The following CPA6 variants were observed in gnomAD, a reference collection of about 807,000 sequenced individuals.
CPA6 encodes carboxypeptidase A6, also known as carboxypeptidase B.
Under a neutral mutation model 63.3 loss-of-function variants are expected in CPA6, and 58 were observed. The ratio of observed to expected loss-of-function variants is 0.92; its 90% CI spans 0.74 to 1.14. The LOEUF is 1.14. Ranked by LOEUF, CPA6 falls within the 50% of genes most tolerant of loss-of-function variation. CPA6 has a pLI of 0.00. For missense variants in CPA6, 565 were observed against 526.6 expected, an observed-to-expected ratio of 1.07 and a Z score of -0.71; for synonymous variants, 185 against 179.0, an observed-to-expected ratio of 1.03 and a Z score of -0.27.
intron 2 of CPA6, among the ~76,000 whole-genome samples, chr8:67,545,019 A>G (rs1812785321): frequency 6.6e-6 from 1 of 152,194 alleles, no homozygotes; most frequent in African/African-American, 2.4e-5. Context: ...TTGCCTGTAT[A>G]CTTAAATTCC....
At chr8:67,585,499 A>G (rs965880049) in intron 2 of CPA6, among the ~76,000 whole-genome samples, 4 of 152,134 alleles carry the variant, frequency 2.6e-5, no homozygotes, top group Non-Finnish European at 5.9e-5. Flanking sequence ...ACATGGGGGC[A>G]TGAGTTAGCA....
At chr8:67,494,904 G>A (rs1811677023) in intron 6 of CPA6, among the ~76,000 whole-genome samples, 1 of 152,186 alleles carries the variant, frequency 6.6e-6, no homozygotes, top group African/African-American at 2.4e-5. Context: ...AATTAGGCCT[G>A]TGAATCAGGT....
At chr8:67,561,630 C>T (rs1050474330) in intron 2 of CPA6, among the ~76,000 whole-genome samples, 1 of 152,120 alleles carries the variant, frequency 6.6e-6, no homozygotes, top group Non-Finnish European at 1.5e-5. Flanking sequence ...TGATTCTGTA[C>T]TAGATGCTTT....
intron 5 of CPA6, among the ~76,000 whole-genome samples, chr8:67,508,114 G>A (rs1321357509): frequency 1.3e-5 from 2 of 151,770 alleles, no homozygotes; most frequent in Non-Finnish European, 2.9e-5. Context: ...TAGAGCATGA[G>A]AGGGTCAAGA....
At chr8:67,597,965 G>A (rs888791483) in intron 2 of CPA6, among the ~76,000 whole-genome samples, 2 of 152,208 alleles carry the variant, frequency 1.3e-5, no homozygotes, top group African/African-American at 4.8e-5. Flanking sequence ...CTTGTTTTCT[G>A]GGGCCACTAG....
intron 1 of CPA6, among the ~76,000 whole-genome samples, chr8:67,681,682 G>A (rs1291623223): frequency 6.6e-6 from 1 of 151,296 alleles, no homozygotes; most frequent in Non-Finnish European, 1.5e-5. Context: ...TTACTTCATT[G>A]TCCTTGCACC....
At chr8:67,610,334 C>A (rs1288296926) in intron 2 of CPA6, among the ~76,000 whole-genome samples, 1 of 151,982 alleles carries the variant, frequency 6.6e-6, no homozygotes, top group East Asian at 1.9e-4. Context: ...CCACTGCATT[C>A]CAGACTCCAG....
chr8:67,573,428 A>T (rs536004694), intron 2 of CPA6, among the ~76,000 whole-genome samples: 1 of 152,242 alleles, frequency 6.6e-6, no homozygotes, highest in Non-Finnish European at 1.5e-5. Context: ...GTAAAGTTGC[A>T]GAATATAAAA....
At chr8:67,607,801 G>A (rs1469121970) in intron 2 of CPA6, among the ~76,000 whole-genome samples, 1 of 152,148 alleles carries the variant, frequency 6.6e-6, no homozygotes, top group African/African-American at 2.4e-5. Flanking sequence ...CAATTGCTAA[G>A]CTCAGGCTAT....
intron 1 of CPA6, among the ~76,000 whole-genome samples, chr8:67,628,838 C>T (rs908456803): frequency 1.3e-5 from 2 of 152,136 alleles, no homozygotes; most frequent in South Asian, 2.1e-4. Context: ...ATCACCAGGC[C>T]GTGTGCAGTG....
chr8:67,654,956 C>G (rs1005466541), intron 1 of CPA6, among the ~76,000 whole-genome samples: 1 of 152,122 alleles, frequency 6.6e-6, no homozygotes, highest in Non-Finnish European at 1.5e-5. Context: ...AATTTTTGTA[C>G]TCTTTATGTA....
At chr8:67,610,177 C>T (rs1380848927) in intron 2 of CPA6, among the ~76,000 whole-genome samples, 2 of 152,174 alleles carry the variant, frequency 1.3e-5, no homozygotes, top group African/African-American at 2.4e-5. Flanking sequence ...AAGTTCGAGA[C>T]CAACCTGGGC....
At chr8:67,585,603 C>T (rs1478294144) in intron 2 of CPA6, among the ~76,000 whole-genome samples, 1 of 152,096 alleles carries the variant, frequency 6.6e-6, no homozygotes, top group African/African-American at 2.4e-5. Context: ...CTACAGCATG[C>T]AAACCCCAAA....
intron 8 of CPA6, among the ~76,000 whole-genome samples, chr8:67,435,464 G>A (rs1810128748): frequency 6.6e-6 from 1 of 152,148 alleles, no homozygotes; most frequent in African/African-American, 2.4e-5. Flanking sequence ...CTCAGCCCCA[G>A]CCTCCTCAAC....
At chr8:67,545,854 C>A (rs530135484) in intron 2 of CPA6, among the ~76,000 whole-genome samples, 1 of 152,114 alleles carries the variant, frequency 6.6e-6, no homozygotes, top group Non-Finnish European at 1.5e-5. Context: ...TGAACTACCT[C>A]GCCTGGCCTA....
chr8:67,630,133 A>G (rs1234581429), intron 1 of CPA6, among the ~76,000 whole-genome samples: 1 of 149,420 alleles, frequency 6.7e-6, no homozygotes, highest in Admixed American at 6.7e-5. Flanking sequence ...AATAATAATA[A>G]TAATAATTTG....
At chr8:67,632,392 C>CA (rs1815361888) in intron 1 of CPA6, among the ~76,000 whole-genome samples, 1 of 152,140 alleles carries the variant, frequency 6.6e-6, no homozygotes, top group African/African-American at 2.4e-5. Flanking sequence ...AGGCTACTCT[C>CA]AAACTCCTGG....
At chr8:67,555,396 G>T (rs1813037224) in intron 2 of CPA6, among the ~76,000 whole-genome samples, 1 of 152,158 alleles carries the variant, frequency 6.6e-6, no homozygotes, top group Admixed American at 6.5e-5. Context: ...CTAAATGATG[G>T]TGTGTGGGGA....
intron 1 of CPA6, among the ~76,000 whole-genome samples, chr8:67,744,029 C>T (rs1009380301): frequency 6.6e-6 from 1 of 152,192 alleles, no homozygotes; most frequent in Non-Finnish European, 1.5e-5. Context: ...GATTCTTGTT[C>T]ACCGGAAGGC....
Sources: gnomAD v4.1 joint callset for allele counts (sites outside exome capture counted in the v4.1 genomes callset) on GRCh38, gnomAD v4.1.1 for gene constraint, MANE v1.5 for transcripts, NCBI Gene and HGNC (gene_info 2026-07-23, HGNC 2026-07-21) for gene names.